The following CERK variants were observed in gnomAD, a reference collection of about 807,000 sequenced individuals.
The protein encoded by CERK is ceramide kinase.
CERK carries 39 observed loss-of-function variants against 63.4 expected under a neutral mutation model. That is an observed-to-expected ratio of 0.61 (90% CI 0.48 to 0.80). CERK has a LOEUF of 0.80. CERK is among the 30% of genes least tolerant of loss of function. The pLI, the probability that CERK is intolerant of heterozygous loss-of-function variation, is 0.00. For synonymous variants in CERK, 302 were observed against 280.0 expected, an observed-to-expected ratio of 1.08 and a Z score of -0.78; for missense variants, 670 against 714.1, an observed-to-expected ratio of 0.94 and a Z score of 0.70.
At chr22:46,726,025 C>G (rs2082916369) in intron 1 of CERK, among the ~76,000 whole-genome samples, 1 of 152,246 alleles carries the variant, frequency 6.6e-6, no homozygotes, top group South Asian at 2.1e-4. Flanking sequence ...CCGGATTAAA[C>G]TGAGCCACGC....
intron 11 of CERK, among the ~76,000 whole-genome samples, chr22:46,691,127 T>C (rs135670): frequency 0.19 from 28,778 of 151,098 alleles, 2,967 homozygotes; most frequent in East Asian, 0.35. Flanking sequence ...CAGGCTGGAG[T>C]GCAGTTGCGT....
intron 4 of CERK, 22 bp downstream of exon 4, chr22:46,712,146 T>C (rs772422882): frequency 1.2e-6 from 2 of 1,613,440 alleles, no homozygotes; most frequent in South Asian, 1.1e-5. Flanking sequence ...TACTTCTACA[T>C]AGTTAACATA....
intron 1 of CERK, among the ~76,000 whole-genome samples, chr22:46,730,690 G>A (rs1026475734): frequency 1.3e-5 from 2 of 152,214 alleles, no homozygotes; most frequent in Non-Finnish European, 1.5e-5. Flanking sequence ...CTCCTATTAA[G>A]TGAAGCCCTG....
chr22:46,731,809 G>A (rs1001531196), intron 1 of CERK, among the ~76,000 whole-genome samples: 8 of 152,222 alleles, frequency 5.3e-5, no homozygotes, highest in African/African-American at 1.9e-4. Context: ...GCAGTGCCTG[G>A]AAGAACTTTG....
At chr22:46,722,409 G>C (rs1393112879) in intron 1 of CERK, among the ~76,000 whole-genome samples, 2 of 152,062 alleles carry the variant, frequency 1.3e-5, no homozygotes, top group Admixed American at 6.5e-5. Flanking sequence ...TGATGGGGAG[G>C]GGGTGGGTTA....
At chr22:46,695,435 G>T in intron 8 of CERK, 120 bp from the exon 9 acceptor site, 1 of 706,084 alleles carries the variant, frequency 1.4e-6, no homozygotes, top group Non-Finnish European at 2.6e-6. Context: ...GTCTGCAGGA[G>T]GGAGAGGCCG....
intron 1 of CERK, among the ~76,000 whole-genome samples, chr22:46,734,067 C>CATATATATATATATATATATATAT (rs59207182): frequency 6.9e-6 from 1 of 145,394 alleles, no homozygotes. Flanking sequence ...TACATACATA[C>CATATATATATATATATATATATAT]ATATATATAT....
chr22:46,722,794 G>A (rs1055958951), intron 1 of CERK, among the ~76,000 whole-genome samples: 1 of 152,152 alleles, frequency 6.6e-6, no homozygotes, highest in African/African-American at 2.4e-5. Context: ...CGTGCCAGGG[G>A]TGCCAGCACA....
intron 6 of CERK, 74 bp from the exon 7 acceptor site, chr22:46,701,784 G>T: frequency 9.3e-7 from 1 of 1,075,210 alleles, no homozygotes; most frequent in Non-Finnish European, 1.4e-6. Context: ...TTCAGTGAGT[G>T]GTACCTCATT....
At chr22:46,737,109 C>A (rs922183265) in intron 1 of CERK, among the ~76,000 whole-genome samples, 9 of 152,144 alleles carry the variant, frequency 5.9e-5, no homozygotes, top group African/African-American at 2.2e-4. Context: ...GCCTGGCCAA[C>A]ATGGTGAAAC....
At chr22:46,703,088 C>T (rs1247124870) in intron 6 of CERK, among the ~76,000 whole-genome samples, 4 of 152,196 alleles carry the variant, frequency 2.6e-5, no homozygotes, top group Admixed American at 2.0e-4. Flanking sequence ...GCTGAAGTTA[C>T]AAGCAGCAGA....
intron 6 of CERK, among the ~76,000 whole-genome samples, chr22:46,702,105 C>T (rs995808232): frequency 3.5e-5 from 5 of 143,720 alleles, no homozygotes; most frequent in Admixed American, 7.2e-5. Context: ...CGCTTGATCC[C>T]GGGAGGCAAA....
rs111976692 is a variant in CERK at position 46,710,993 on chromosome 22, C to T, written c.569+93G>A. 1,319 of 966,080 alleles carry T rather than the reference C, an allele frequency of 1.4e-3. 9 individuals carry two copies. The African/African-American group carries it at 0.017, about 13-fold the overall frequency. 59.8% of individuals were successfully genotyped at this position (966,080 alleles called of 1,614,324 possible). ...ATTGGTCGTGGGTGGAGGCGGGGGG[C>T]GGATTTAGGAAAAGGAGCTCTCAAA... On this transcript the variant is annotated intron_variant, in intron 5 of 12. Transcript: ENST00000216264.
chr22:46,709,091 C>T (rs1279056005), intron 5 of CERK, among the ~76,000 whole-genome samples: 5 of 152,160 alleles, frequency 3.3e-5, no homozygotes, highest in Admixed American at 1.3e-4. Context: ...TGCACCGGGG[C>T]AGCCTTCCCA....
chr22:46,702,561 G>C (rs2082792468), intron 6 of CERK, among the ~76,000 whole-genome samples: 1 of 152,162 alleles, frequency 6.6e-6, no homozygotes, highest in Non-Finnish European at 1.5e-5. Flanking sequence ...AAAGTGCTGG[G>C]ATTAGGCGTG....
chr22:46,709,847 C>T (rs897346688), intron 5 of CERK, among the ~76,000 whole-genome samples: 8 of 151,962 alleles, frequency 5.3e-5, no homozygotes, highest in Non-Finnish European at 1.2e-4. Flanking sequence ...AGAATTAATG[C>T]CATAAGCAAA....
rs202155838 is a variant in CERK, at chr22:46,702,214, A to AAT, written c.716-506_716-505dup. Among the ~76,000 whole-genome samples the AAT allele has an allele frequency of 7.4e-4, 81 of 109,142 alleles. 1 individual carries two copies. The highest frequency in any genetic ancestry group is 1.9e-3 in the African/African-American group (54 of 27,806). The allele number at this position is 109,142 out of a possible 152,430, so 71.6% of individuals were successfully genotyped here. A position where few individuals can be genotyped will look rare whatever the true frequency, so the allele number is the denominator to read the frequency against. The stretch of plus-strand genomic sequence containing the variant: ...AAAAAAGGAGCCAAAAAGTTAAAAA[A>AAT]ATATATATATGTGTGTGTGTGTGTG... On this transcript the variant is annotated intron_variant, in intron 6 of 12. Coordinates refer to ENST00000216264, the MANE Select transcript of CERK (RefSeq NM_022766.6).
At chr22:46,730,428 A>G (rs2082940022) in intron 1 of CERK, among the ~76,000 whole-genome samples, 1 of 152,178 alleles carries the variant, frequency 6.6e-6, no homozygotes, top group Admixed American at 6.5e-5. Context: ...CTCAAAAAAA[A>G]AAGAAGTTTT....
In CERK at chr22:46,707,984, C is replaced by T. The variant is rs761416917; in HGVS notation, c.574G>A (p.Val192Ile). ...AACATACCATCTCCGCCGACACAGA[C>T]GATGCTGCAGGAGGAACACAGCCGG... ...EINIDKYDGI[V>I]CVGGDGMFSE... is the part of the protein sequence containing the mutation. Residue 192 changes from valine to isoleucine, a missense_variant, in exon 6 of 13, where the codon GTC becomes ATC. By Grantham distance (29) the Val-to-Ile change is conservative (BLOSUM62 3). Coordinates refer to ENST00000216264, the MANE Select transcript of CERK (RefSeq NM_022766.6). 10 of 1,604,012 alleles carry T rather than the reference C, an allele frequency of 6.2e-6. No individual in the cohort carries two copies. Among genetic ancestry groups the T allele is most frequent in the South Asian group, 3.3e-5 (3 of 90,558 alleles).
Sources: gnomAD v4.1 joint callset for allele counts (sites outside exome capture counted in the v4.1 genomes callset) on GRCh38, gnomAD v4.1.1 for gene constraint, MANE v1.5 for transcripts, NCBI Gene and HGNC (gene_info 2026-07-23, HGNC 2026-07-21) for gene names.